Variants in CHST9 observed in about 807,000 individuals in gnomAD.
CHST9 encodes the protein GalNAc-4-sulfotransferase 2.
In CHST9, 41 loss-of-function variants were observed where a neutral mutation model predicts 44.4. That is an observed-to-expected ratio of 0.92 (90% CI 0.72 to 1.20). The LOEUF is 1.20. Ranked by LOEUF, CHST9 falls within the 50% of genes most tolerant of loss-of-function variation. The probability of loss-of-function intolerance (pLI) is 0.00; values close to 1 mark genes in which losing one functional copy is unlikely to be tolerated. For synonymous variants in CHST9, 171 were observed against 178.4 expected (o/e 0.96, Z 0.33); for missense variants, 504 against 516.5 (o/e 0.98, Z 0.23).
chr18:27,164,596 C>G (rs1461955288), intron 1 of CHST9, among the ~76,000 whole-genome samples: 1 of 152,048 alleles, frequency 6.6e-6, no homozygotes, highest in East Asian at 1.9e-4. Context: ...ACATGAGTTT[C>G]TAGATCTAAA....
In CHST9 at chr18:26,975,725, G is replaced by GTGTA. The variant is rs1383045273; in HGVS notation, c.203-31360_203-31359insTACA. On this transcript the variant is annotated intron_variant, in intron 4 of 5. Transcript: ENST00000618847. ...TGTGTATATATGTGTGTGTGTGTGT[G>GTGTA]TATATATATATATATATATATATAT... Among the ~76,000 whole-genome samples, 558 of 101,664 alleles carry GTGTA rather than the reference G, an allele frequency of 5.5e-3. 4 individuals carry two copies. Among genetic ancestry groups the GTGTA allele is most frequent in the Non-Finnish European group, 7.9e-3 (411 of 52,282 alleles). The allele number at this position is 101,664 out of a possible 152,430, so 66.7% of individuals were successfully genotyped here. A position where few individuals can be genotyped will look rare whatever the true frequency, so the allele number is the denominator to read the frequency against.
intron 5 of CHST9, among the ~76,000 whole-genome samples, chr18:26,937,714 C>G (rs1261577598): frequency 1.3e-5 from 2 of 152,156 alleles, no homozygotes; most frequent in Admixed American, 1.3e-4. Flanking sequence ...TTGATTTGTT[C>G]CTACTTCGCA....
rs142792326 is a variant in CHST9, at chr18:27,079,081, G to A, written c.122-30578C>T. Among the ~76,000 whole-genome samples the A allele has an allele frequency of 9.2e-5, 14 of 152,204 alleles. No individual in the cohort carries two copies. The South Asian group carries it at 1.9e-3, about 20-fold the overall frequency. ...CATCAGCTTGTGGCAATGAGTGGGC[G>A]TACTCTGAAGCCCTCCTATGCTCTA... On this transcript the variant is annotated intron_variant, in intron 2 of 5. Coordinates refer to ENST00000618847, the MANE Select transcript of CHST9 (RefSeq NM_031422.6).
chr18:26,961,638 G>A (rs2056401901), intron 4 of CHST9, among the ~76,000 whole-genome samples: 1 of 152,094 alleles, frequency 6.6e-6, no homozygotes, highest in African/African-American at 2.4e-5. Flanking sequence ...TTATTGTTCA[G>A]GCTGTTCCCA....
chr18:27,093,945 T>C (rs986086475), intron 2 of CHST9, among the ~76,000 whole-genome samples: 4 of 151,826 alleles, frequency 2.6e-5, no homozygotes, highest in African/African-American at 9.7e-5. Context: ...TACTCAAACA[T>C]AAAAAGGTGT....
intron 3 of CHST9, among the ~76,000 whole-genome samples, chr18:27,040,841 C>A (rs1464589280): frequency 6.6e-6 from 1 of 152,044 alleles, no homozygotes; most frequent in African/African-American, 2.4e-5. Flanking sequence ...GAAATAAGCA[C>A]CTCATTTTTT....
chr18:27,095,055 TC>T (rs1165512457), intron 2 of CHST9, among the ~76,000 whole-genome samples: 1 of 152,132 alleles, frequency 6.6e-6, no homozygotes, highest in Non-Finnish European at 1.5e-5. Context: ...TTGGGGAAGA[TC>T]CCCTTCAAAA....
At chr18:26,956,733 T>C (rs1322256274) in intron 4 of CHST9, among the ~76,000 whole-genome samples, 2 of 152,170 alleles carry the variant, frequency 1.3e-5, no homozygotes, top group African/African-American at 4.8e-5. Flanking sequence ...GTTTTAACTA[T>C]ATAAGCCTTT....
chr18:27,090,687 A>G (rs1206802810), intron 2 of CHST9, among the ~76,000 whole-genome samples: 1 of 152,176 alleles, frequency 6.6e-6, no homozygotes, highest in Non-Finnish European at 1.5e-5. Context: ...TCCCAGTACC[A>G]TTTATTAAAT....
intron 2 of CHST9, among the ~76,000 whole-genome samples, chr18:27,050,929 T>A (rs544257387): frequency 1.3e-5 from 2 of 152,340 alleles, no homozygotes; most frequent in East Asian, 3.9e-4. Flanking sequence ...AGTCACTAAT[T>A]CTGAAAGTTG....
chr18:27,109,239 G>T (rs2058248605), intron 2 of CHST9, among the ~76,000 whole-genome samples: 1 of 152,086 alleles, frequency 6.6e-6, no homozygotes, highest in Non-Finnish European at 1.5e-5. Flanking sequence ...CAGCCACCTG[G>T]GAGCTGGCGC....
At chr18:27,025,555 G>C (rs1457820173) in intron 3 of CHST9, among the ~76,000 whole-genome samples, 4 of 152,092 alleles carry the variant, frequency 2.6e-5, no homozygotes, top group Non-Finnish European at 2.9e-5. Context: ...ATATATCCAA[G>C]GGCATTTTTA....
chr18:27,112,918 G>A (rs1254540724), intron 2 of CHST9, among the ~76,000 whole-genome samples: 1 of 152,044 alleles, frequency 6.6e-6, no homozygotes, highest in Non-Finnish European at 1.5e-5. Flanking sequence ...AGCCGGGCCC[G>A]ATGGCTCACG....
intron 4 of CHST9, among the ~76,000 whole-genome samples, chr18:27,021,800 G>A (rs948607054): frequency 6.6e-6 from 1 of 152,124 alleles, no homozygotes; most frequent in Non-Finnish European, 1.5e-5. Context: ...ATGTGCTGTT[G>A]TCCTTATTTT....
chr18:27,144,391 T>C (rs952603189), intron 1 of CHST9, among the ~76,000 whole-genome samples: 1 of 152,150 alleles, frequency 6.6e-6, no homozygotes, highest in Admixed American at 6.6e-5. Context: ...GCAAAACCAA[T>C]TTTCAGGGCT....
chr18:27,032,211 T>C (rs76110636), intron 3 of CHST9, among the ~76,000 whole-genome samples: 3,610 of 152,212 alleles, frequency 0.024, 166 homozygotes, highest in African/African-American at 0.082. Context: ...CTGTGCTCTG[T>C]AGCCTGTGAC....
chr18:27,061,384 T>C (rs1470533456), intron 2 of CHST9, among the ~76,000 whole-genome samples: 1 of 152,202 alleles, frequency 6.6e-6, no homozygotes, highest in African/African-American at 2.4e-5. Context: ...GGAAAGAGCA[T>C]TGCCTTTAAG....
chr18:26,917,176 C>A lies in CHST9; in HGVS notation c.415G>T (p.Ala139Ser). The change falls in exon 6 of 6, where the codon GCT becomes TCT. Residue 139 changes from alanine (A) to serine (S), a missense_variant. Transcript: ENST00000618847. ...TEKLIEKRQG[A>S]KTVFNKFSNM... The stretch of plus-strand genomic sequence containing the variant: ...CTGAACTTGTTAAAAACAGTCTTAG[C>A]TCCTTGACGTTTTTCAATCAACTTC... The A allele has an allele frequency of 6.2e-7, 1 of 1,613,896 alleles. No individual in the cohort carries two copies. The highest frequency in any genetic ancestry group is 8.5e-7 in the Non-Finnish European group (1 of 1,179,866).
intron 2 of CHST9, among the ~76,000 whole-genome samples, chr18:27,104,846 A>C (rs1398323914): frequency 6.6e-6 from 1 of 152,192 alleles, no homozygotes; most frequent in Non-Finnish European, 1.5e-5. Context: ...AATACTTGAA[A>C]AAAAATGAAA....
Sources: allele counts gnomAD v4.1 joint callset (sites outside exome capture counted in the v4.1 genomes callset), GRCh38; gene constraint gnomAD v4.1.1; transcripts MANE v1.5; gene names NCBI Gene and HGNC (gene_info 2026-07-23, HGNC 2026-07-21).